PARD3B: variants seen among roughly 807,000 people sequenced by gnomAD.
The protein encoded by PARD3B is partitioning defective 3 homolog B.
A neutral mutation model predicts 130.2 loss-of-function variants in PARD3B; 103 were observed. The observed-to-expected ratio is 0.79, with a 90% CI of 0.67 to 0.93. The LOEUF (loss-of-function observed/expected upper bound fraction) is 0.93, where lower values mean the gene tolerates loss of function less well. Among genes scored for constraint, PARD3B ranks in the 40% least tolerant of loss-of-function variants. The pLI is 0.00. For missense variants in PARD3B, 1,609 were observed against 1,499.2 expected (o/e 1.07, Z -1.21); for synonymous variants, 583 against 553.2 (o/e 1.05, Z -0.76).
chr2:204,944,554 G>A (rs186146301), intron 2 of PARD3B, among the ~76,000 whole-genome samples: 210 of 152,320 alleles, frequency 1.4e-3, no homozygotes, highest in African/African-American at 4.8e-3. Context: ...CTTCAGGCAT[G>A]TGGTCAAGGC....
rs1279730187 is a variant in PARD3B, at chr2:205,124,319, T to A, written c.1166-8T>A. Reference sequence around the variant, plus strand: ...ATGACTATACATTTTCCTGTTCTTATACACTAGGCCCTGAAGGACTTGGTT... The same window carrying A: ...ATGACTATACATTTTCCTGTTCTTAAACACTAGGCCCTGAAGGACTTGGTT... On this transcript the variant is annotated splice_polypyrimidine_tract_variant and splice_region_variant and intron_variant, in intron 8 of 22. Coordinates refer to ENST00000406610, the MANE Select transcript of PARD3B (RefSeq NM_001302769.2). The A allele has an allele frequency of 6.5e-7, 1 of 1,527,688 alleles. No individual in the cohort carries two copies. The allele number at this position is 1,527,688 out of a possible 1,614,324, so 94.6% of individuals were successfully genotyped here. A position where few individuals can be genotyped will look rare whatever the true frequency, so the allele number is the denominator to read the frequency against.
At chr2:204,958,346 G>T (rs899496093) in intron 2 of PARD3B, among the ~76,000 whole-genome samples, 3 of 152,188 alleles carry the variant, frequency 2.0e-5, no homozygotes, top group Non-Finnish European at 2.9e-5. Flanking sequence ...CGGCATAGAA[G>T]TTGAAGGCAT....
chr2:204,956,309 G>A (rs1344093411), intron 2 of PARD3B, among the ~76,000 whole-genome samples: 1 of 152,180 alleles, frequency 6.6e-6, no homozygotes, highest in Admixed American at 6.5e-5. Context: ...GGGAAGGAGG[G>A]AAAATGAAAT....
chr2:204,599,987 C>T (rs2033445061), intron 1 of PARD3B, among the ~76,000 whole-genome samples: 1 of 151,356 alleles, frequency 6.6e-6, no homozygotes, highest in South Asian at 2.1e-4. Flanking sequence ...TATATGTGTT[C>T]TTTTGAAAAA....
At chr2:205,202,886 A>G (rs188413219) in intron 15 of PARD3B, among the ~76,000 whole-genome samples, 1 of 152,274 alleles carries the variant, frequency 6.6e-6, no homozygotes, top group East Asian at 1.9e-4. Context: ...CAGTCAATAT[A>G]AGTAAATTCT....
intron 3 of PARD3B, among the ~76,000 whole-genome samples, chr2:204,969,172 T>C (rs1287545831): frequency 6.6e-6 from 1 of 152,228 alleles, no homozygotes; most frequent in Non-Finnish European, 1.5e-5. Flanking sequence ...TCACATGATC[T>C]ATTTGGACTT....
At position 205,265,803 on chromosome 2, in the gene PARD3B, A is replaced by C. The variant is rs544420185; in HGVS notation, c.2185+19981A>C. Among the ~76,000 whole-genome samples, 1 of 151,996 alleles carries C rather than the reference A, an allele frequency of 6.6e-6. No individual in the cohort carries two copies. The highest frequency in any genetic ancestry group is 6.6e-5 in the Admixed American group (1 of 15,226). ...ATTCAAATCTTTGGAATTTTCAGAG[A>C]TGAATTTTATCAAATACATATTTTT... On this transcript the variant is annotated intron_variant, in intron 16 of 22. Transcript: ENST00000406610. The surrounding 1 kb of genome is among the most constrained non-coding windows in gnomAD (Gnocchi z 4.3).
chr2:205,467,462 A>C (rs1052092359), intron 20 of PARD3B, among the ~76,000 whole-genome samples: 1 of 152,234 alleles, frequency 6.6e-6, no homozygotes, highest in African/African-American at 2.4e-5. Flanking sequence ...CAAACCACAT[A>C]TGTAATTTAA....
rs1701669084 is a variant in PARD3B, at chr2:205,085,145, A to T, written c.505-19281A>T. 2.6e-5 allele frequency among the ~76,000 whole-genome samples: 4 copies of T among 152,084 alleles called. No homozygotes were observed. The South Asian group carries it at 6.2e-4, about 24-fold the overall frequency. On this transcript the variant is annotated intron_variant, in intron 4 of 22. Coordinates refer to ENST00000406610, the MANE Select transcript of PARD3B (RefSeq NM_001302769.2). ...CTACGTTGTTAGGTGCGTAGGTTGGAATTTATTATATCTTTCTCTGGATTG... is the reference window on the plus strand; with the variant it reads ...CTACGTTGTTAGGTGCGTAGGTTGGTATTTATTATATCTTTCTCTGGATTG...
At chr2:205,201,331 G>A (rs1462661280) in intron 15 of PARD3B, among the ~76,000 whole-genome samples, 1 of 101,062 alleles carries the variant, frequency 9.9e-6, no homozygotes, top group Non-Finnish European at 2.1e-5. Context: ...AATCGAAAAG[G>A]ATAACAGTGA....
intron 1 of PARD3B, among the ~76,000 whole-genome samples, chr2:204,622,215 T>C (rs2034328429): frequency 1.3e-5 from 2 of 152,160 alleles, no homozygotes; most frequent in East Asian, 1.9e-4. Flanking sequence ...TGCGTGATAC[T>C]CACTAACTCA....
chr2:205,099,361 T>G (rs1310688740), intron 4 of PARD3B, among the ~76,000 whole-genome samples: 3 of 152,218 alleles, frequency 2.0e-5, no homozygotes, highest in Non-Finnish European at 4.4e-5. Context: ...TGGCATCAGT[T>G]GTTTATACCT....
At chr2:205,400,954 G>C in intron 18 of PARD3B, 59 bp from the exon 19 acceptor site, 1 of 1,264,598 alleles carries the variant, frequency 7.9e-7, no homozygotes, top group Non-Finnish European at 1.1e-6. Flanking sequence ...AAATATCTTA[G>C]CTCTACCGCA....
intron 21 of PARD3B, among the ~76,000 whole-genome samples, chr2:205,538,320 G>A (rs1179629826): frequency 6.6e-6 from 1 of 152,192 alleles, no homozygotes; most frequent in Non-Finnish European, 1.5e-5. Context: ...CCAACGTAAG[G>A]AAATGTGAGA....
intron 19 of PARD3B, among the ~76,000 whole-genome samples, chr2:205,424,109 T>C (rs2047064910): frequency 6.6e-6 from 1 of 152,172 alleles, no homozygotes; most frequent in African/African-American, 2.4e-5. Flanking sequence ...ATACTGTAGT[T>C]GAATACAATA....
chr2:205,579,159 CT>C (rs1336500410), intron 22 of PARD3B, among the ~76,000 whole-genome samples: 1 of 152,096 alleles, frequency 6.6e-6, no homozygotes, highest in Non-Finnish European at 1.5e-5. Flanking sequence ...CCTGAAGTCT[CT>C]TTTCAAAAAA....
chr2:204,599,755 A>T (rs1363277366), intron 1 of PARD3B, among the ~76,000 whole-genome samples: 1 of 151,180 alleles, frequency 6.6e-6, no homozygotes, highest in Admixed American at 6.6e-5. Flanking sequence ...TTCTAGAGGA[A>T]CCTCCATACT....
rs1166210574 is a variant in PARD3B at position 205,550,660 on chromosome 2, A to G, written c.3181-2664A>G. Among the ~76,000 whole-genome samples the G allele has an allele frequency of 6.6e-6, 1 of 151,952 alleles. No individual in the cohort carries two copies. Among genetic ancestry groups the G allele is most frequent in the Non-Finnish European group, 1.5e-5 (1 of 68,006 alleles). Reference sequence around the variant, plus strand: ...TTTCAGTTTGAATGCTGTTTTCCCAACAAGACAGAAAATCCCTTAAGAATA... The same window carrying G: ...TTTCAGTTTGAATGCTGTTTTCCCAGCAAGACAGAAAATCCCTTAAGAATA... On this transcript the variant is annotated intron_variant, in intron 21 of 22. Coordinates refer to ENST00000406610, the MANE Select transcript of PARD3B (RefSeq NM_001302769.2). This position sits in a 1 kb window ranked among gnomAD's most constrained non-coding sequence, Gnocchi z 4.5.
At chr2:204,732,967 CT>C (rs905884217) in intron 2 of PARD3B, among the ~76,000 whole-genome samples, 49 of 152,124 alleles carry the variant, frequency 3.2e-4, no homozygotes, top group African/African-American at 1.2e-3. Context: ...CATTCCACCC[CT>C]AGCAGAGTGC....
Sources: gnomAD v4.1 joint callset for allele counts (sites outside exome capture counted in the v4.1 genomes callset) on GRCh38, gnomAD v4.1.1 for gene constraint, Gnocchi (gnomAD v3.1) non-coding constraint, MANE v1.5 for transcripts, NCBI Gene and HGNC (gene_info 2026-07-23, HGNC 2026-07-21) for gene names.